Variants in ASB5 observed in about 807,000 individuals in gnomAD.
ASB5 encodes ankyrin repeat and SOCS box containing 5.
In ASB5, 45 loss-of-function variants were observed where a neutral mutation model predicts 42.1. The ratio of observed to expected loss-of-function variants is 1.07; its 90% confidence interval spans 0.84 to 1.37. The LOEUF is 1.37. Among genes scored for constraint, ASB5 ranks in the 40% most tolerant of loss-of-function variants. ASB5 has a pLI of 0.00. For synonymous variants in ASB5, 147 were observed against 150.6 expected (o/e 0.98, Z 0.18); for missense variants, 402 against 399.8 (o/e 1.01, Z -0.05).
chr4:176,220,877 C>T (rs533281961), intron 5 of ASB5, among the ~76,000 whole-genome samples: 61 of 152,132 alleles, frequency 4.0e-4, no homozygotes, highest in Admixed American at 1.4e-3. Context: ...TTTCAGAATC[C>T]ATTACATACC....
chr4:176,222,771 G>C (rs1218767888), intron 2 of ASB5, among the ~76,000 whole-genome samples: 1 of 152,006 alleles, frequency 6.6e-6, no homozygotes, highest in East Asian at 1.9e-4. Context: ...CTAAAGACTT[G>C]TTGTTTTGTT....
intron 5 of ASB5, among the ~76,000 whole-genome samples, chr4:176,220,131 C>T (rs952211528): frequency 6.6e-6 from 1 of 152,114 alleles, no homozygotes; most frequent in Admixed American, 6.5e-5. Context: ...GCCCACAGGC[C>T]GCAGGTTGGA....
intron 1 of ASB5, among the ~76,000 whole-genome samples, chr4:176,242,420 A>C (rs1461832838): frequency 6.6e-6 from 1 of 152,218 alleles, no homozygotes; most frequent in Non-Finnish European, 1.5e-5. Flanking sequence ...AACTACTTAT[A>C]CATATACATA....
chr4:176,244,971 A>C (rs1366469077), intron 1 of ASB5, among the ~76,000 whole-genome samples: 3 of 152,138 alleles, frequency 2.0e-5, no homozygotes, highest in Admixed American at 1.3e-4. Context: ...CAACAACAGC[A>C]ACAATAACAA....
intron 1 of ASB5, among the ~76,000 whole-genome samples, chr4:176,238,453 A>T (rs563882527): frequency 6.6e-6 from 1 of 152,310 alleles, no homozygotes; most frequent in South Asian, 2.1e-4. Flanking sequence ...TGGCAGGATG[A>T]GAGGAAAAAC....
At chr4:176,251,788 C>A (rs1333139089) in intron 1 of ASB5, among the ~76,000 whole-genome samples, 2 of 151,262 alleles carry the variant, frequency 1.3e-5, no homozygotes, top group African/African-American at 2.4e-5. Context: ...ACACATAGGA[C>A]CAGCATGATT....
intron 1 of ASB5, among the ~76,000 whole-genome samples, chr4:176,265,451 A>T (rs958584999): frequency 6.6e-6 from 1 of 152,206 alleles, no homozygotes; most frequent in Non-Finnish European, 1.5e-5. Context: ...AAACTTAAGG[A>T]TGAGAACAAT....
rs1441428381 is a variant in ASB5 at position 176,214,938 on chromosome 4, G to A, written c.*662C>T. On this transcript the variant is annotated 3_prime_UTR_variant, in exon 7 of 7. Transcript: ENST00000296525. ...TGTAATGTTCTAAATATCTCAGGGT[G>A]AGAGGGCAGTATTGACCTTTCATCC... 6.6e-6 allele frequency: 1 copy of A among 151,706 alleles called. No homozygotes were observed. Among genetic ancestry groups the A allele is most frequent in the Admixed American group, 6.6e-5 (1 of 15,178 alleles). The allele number at this position is 151,706 out of a possible 1,614,324, so 9.4% of individuals were successfully genotyped here. A position where few individuals can be genotyped will look rare whatever the true frequency, so the allele number is the denominator to read the frequency against.
chr4:176,234,390 C>T (rs1376105976), intron 1 of ASB5, among the ~76,000 whole-genome samples: 2 of 152,126 alleles, frequency 1.3e-5, no homozygotes, highest in African/African-American at 4.8e-5. Context: ...TTTCTGAGAC[C>T]CACATCACTT....
At chr4:176,260,536 T>C (rs1001175912) in intron 1 of ASB5, among the ~76,000 whole-genome samples, 1 of 152,216 alleles carries the variant, frequency 6.6e-6, no homozygotes, top group Non-Finnish European at 1.5e-5. Flanking sequence ...CTCCCTGACA[T>C]GATATTCTTT....
upstream of ASB5, among the ~76,000 whole-genome samples, chr4:176,272,644 T>G (rs1449152055): frequency 1.3e-5 from 2 of 152,204 alleles, no homozygotes; most frequent in Non-Finnish European, 2.9e-5. Context: ...TCTCCTTCAG[T>G]GTCCCAGAGT....
At chr4:176,220,115 C>T (rs1453208154) in intron 5 of ASB5, among the ~76,000 whole-genome samples, 2 of 152,202 alleles carry the variant, frequency 1.3e-5, no homozygotes, top group Non-Finnish European at 2.9e-5. Flanking sequence ...TCCTGGGCCG[C>T]ATGGGGCCCA....
Position 176,268,249 on chromosome 4 carries a change from A to G in ASB5, c.196+664T>C, listed in dbSNP as rs373527003. 3.4e-4 allele frequency among the ~76,000 whole-genome samples: 52 copies of G among 152,288 alleles called. 1 individual carries two copies. In the South Asian group the frequency reaches 7.0e-3, roughly 21 times the overall value. On this transcript the variant is annotated intron_variant, in intron 1 of 6. Coordinates refer to ENST00000296525, the MANE Select transcript of ASB5 (RefSeq NM_080874.4). ...GTTTCTCATTTGGTTTCATACTACA[A>G]TTTCTTCTAAAGAACATGGATGCAC...
In ASB5 at chr4:176,233,664, G is replaced by A. The variant is rs927512418; in HGVS notation, c.197-8323C>T. Among the ~76,000 whole-genome samples, 6 of 151,944 alleles carry A rather than the reference G, an allele frequency of 3.9e-5. No homozygotes were observed. In the South Asian group the frequency reaches 6.2e-4, roughly 16 times the overall value. ...GCCCAGTGTTTTTTTCCATTGTTGC[G>A]GTAGTTTCTTTTCCCACCTTGAGTC... On this transcript the variant is annotated intron_variant, in intron 1 of 6. Coordinates refer to ENST00000296525, the MANE Select transcript of ASB5 (RefSeq NM_080874.4).
chr4:176,221,636 T>A, intron 3 of ASB5, 36 bp from the exon 4 acceptor site: 1 of 1,545,822 alleles, frequency 6.5e-7, no homozygotes, highest in Non-Finnish European at 8.9e-7. Context: ...ATAAGATTCA[T>A]AAGTCATACA....
intron 1 of ASB5, among the ~76,000 whole-genome samples, chr4:176,249,954 A>C (rs998159869): frequency 6.6e-6 from 1 of 151,326 alleles, no homozygotes; most frequent in African/African-American, 2.4e-5. Flanking sequence ...AGTCCCAGCT[A>C]CTCGGGAGGC....
intron 4 of ASB5, 47 bp from the exon 5 acceptor site, chr4:176,221,336 A>G (rs772805804): frequency 6.2e-7 from 1 of 1,607,188 alleles, no homozygotes; most frequent in Non-Finnish European, 8.5e-7. Context: ...CATCCACCCC[A>G]CACACCTCAC....
intron 1 of ASB5, among the ~76,000 whole-genome samples, chr4:176,244,971 A>G (rs1366469077): frequency 6.6e-6 from 1 of 152,138 alleles, no homozygotes; most frequent in Non-Finnish European, 1.5e-5. Context: ...CAACAACAGC[A>G]ACAATAACAA....
At chr4:176,231,734 A>T (rs1331286352) in intron 1 of ASB5, among the ~76,000 whole-genome samples, 2 of 151,912 alleles carry the variant, frequency 1.3e-5, no homozygotes, top group Non-Finnish European at 2.9e-5. Context: ...AATGCCAGCT[A>T]CTAGGGAAGT....
Sources: allele counts gnomAD v4.1 joint callset (sites outside exome capture counted in the v4.1 genomes callset), GRCh38; gene constraint gnomAD v4.1.1; transcripts MANE v1.5; gene names NCBI Gene and HGNC (gene_info 2026-07-23, HGNC 2026-07-21).